KIF26B: variants seen among roughly 807,000 people sequenced by gnomAD.
The protein encoded by KIF26B is kinesin-like protein KIF26B.
In KIF26B, 63 loss-of-function variants were observed where a neutral mutation model predicts 151.2. That is an observed-to-expected ratio of 0.42 (90% CI 0.34 to 0.51). The LOEUF is 0.51. KIF26B is among the 20% of genes least tolerant of loss of function. KIF26B has a pLI of 0.07. For missense variants in KIF26B, 2,813 were observed against 2,913.6 expected (o/e 0.97, Z 0.79); for synonymous variants, 1,357 against 1,262.1 (o/e 1.08, Z -1.59).
intron 2 of KIF26B, among the ~76,000 whole-genome samples, chr1:245,176,574 C>A (rs1337175235): frequency 2.0e-5 from 3 of 152,072 alleles, no homozygotes; most frequent in Non-Finnish European, 4.4e-5. Flanking sequence ...ATATAAGATG[C>A]CACGTGTGAG....
chr1:245,441,814 A>C (rs531216334), intron 4 of KIF26B, among the ~76,000 whole-genome samples: 1 of 152,244 alleles, frequency 6.6e-6, no homozygotes, highest in South Asian at 2.1e-4. Context: ...ATAAAGCCTC[A>C]GTAAAGTCCG....
intron 2 of KIF26B, among the ~76,000 whole-genome samples, chr1:245,292,562 T>A (rs907309111): frequency 1.4e-4 from 22 of 152,260 alleles, no homozygotes; most frequent in African/African-American, 4.3e-4. Flanking sequence ...TTGGGTACTA[T>A]TTTACCTTTT....
chr1:245,386,409 G>C (rs1673547147), intron 3 of KIF26B, among the ~76,000 whole-genome samples: 1 of 151,916 alleles, frequency 6.6e-6, no homozygotes, highest in Non-Finnish European at 1.5e-5. Context: ...TGACTCCGGT[G>C]CCTTGATGGG....
intron 2 of KIF26B, among the ~76,000 whole-genome samples, chr1:245,194,496 G>A (rs920518748): frequency 1.1e-4 from 17 of 152,040 alleles, no homozygotes; most frequent in African/African-American, 3.9e-4. Context: ...CCTGCCTCAG[G>A]CCCCCAAGTA....
chr1:245,216,925 T>C (rs1264372865), intron 2 of KIF26B, among the ~76,000 whole-genome samples: 1 of 152,336 alleles, frequency 6.6e-6, no homozygotes, highest in Non-Finnish European at 1.5e-5. Flanking sequence ...TTGAGATCAC[T>C]GTGCTACTGC....
chr1:245,377,056 A>G lies in KIF26B; in HGVS notation c.999+9689A>G, dbSNP rs1034611053. On this transcript the variant is annotated intron_variant, in intron 3 of 14. Coordinates refer to ENST00000407071, the MANE Select transcript of KIF26B (RefSeq NM_018012.4). ...CAGCCTCCTGAGTAGCTGAGATTACAGGCACGCATCACCACGCCTGGCTAA... is the reference window on the plus strand; with the variant it reads ...CAGCCTCCTGAGTAGCTGAGATTACGGGCACGCATCACCACGCCTGGCTAA... Among the ~76,000 whole-genome samples the G allele has an allele frequency of 5.5e-4, 83 of 152,068 alleles. 1 individual carries two copies. The highest frequency in any genetic ancestry group is 3.9e-4 in the East Asian group (2 of 5,160).
intron 4 of KIF26B, among the ~76,000 whole-genome samples, chr1:245,502,001 G>T (rs1344801329): frequency 6.6e-6 from 1 of 152,166 alleles, no homozygotes; most frequent in African/African-American, 2.4e-5. Flanking sequence ...AATGAAGGCG[G>T]CGTGCACTTC....
At chr1:245,640,143 C>CTCTCTCTCTCTCTCTCTATATA in intron 9 of KIF26B, among the ~76,000 whole-genome samples, 1 of 31,934 alleles carries the variant, frequency 3.1e-5, no homozygotes, top group Non-Finnish European at 5.9e-5. Context: ...CTCTCTCTCT[C>CTCTCTCTCTCTCTCTCTATATA]TATATATATA....
At chr1:245,531,206 T>C (rs1055200995) in intron 4 of KIF26B, among the ~76,000 whole-genome samples, 2 of 152,256 alleles carry the variant, frequency 1.3e-5, no homozygotes, top group African/African-American at 4.8e-5. Context: ...TACAAAAATA[T>C]GTAAATGGTT....
chr1:245,195,505 C>T (rs1669175236), intron 2 of KIF26B, among the ~76,000 whole-genome samples: 1 of 152,178 alleles, frequency 6.6e-6, no homozygotes, highest in East Asian at 1.9e-4. Context: ...GTCACATAAA[C>T]AGGAGCCTGT....
intron 10 of KIF26B, among the ~76,000 whole-genome samples, chr1:245,677,739 G>A (rs1287180059): frequency 1.3e-5 from 2 of 152,254 alleles, no homozygotes; most frequent in Non-Finnish European, 2.9e-5. Flanking sequence ...GTCATGGACA[G>A]CGAGATCATC....
rs1672995225 is a variant in KIF26B, at chr1:245,367,679, A to G, written c.999+312A>G. 6.6e-6 allele frequency among the ~76,000 whole-genome samples: 1 copy of G among 152,174 alleles called. No homozygotes were observed. On this transcript the variant is annotated intron_variant, in intron 3 of 14. Coordinates refer to ENST00000407071, the MANE Select transcript of KIF26B (RefSeq NM_018012.4). The surrounding 1 kb of genome is among the most constrained non-coding windows in gnomAD (Gnocchi z 4.2). The stretch of plus-strand genomic sequence containing the variant: ...ATGCCAGCGACTTCCCAGCCAGCAG[A>G]TTTACCACATGGCAGAGCCATGAAG...
In KIF26B at chr1:245,702,121, TTG is replaced by T. The variant is rs2044780217; in HGVS notation, c.6179-336_6179-335del. Among the ~76,000 whole-genome samples, 2 of 718 alleles carry T rather than the reference TTG, an allele frequency of 2.8e-3. No individual in the cohort carries two copies. The highest frequency in any genetic ancestry group is 4.7e-3 in the Non-Finnish European group (2 of 428). The allele number at this position is 718 out of a possible 152,430, so 0.5% of individuals were successfully genotyped here. On this transcript the variant is annotated intron_variant, in intron 14 of 14. Coordinates refer to ENST00000407071, the MANE Select transcript of KIF26B (RefSeq NM_018012.4). This position sits in a 1 kb window ranked among gnomAD's most constrained non-coding sequence, Gnocchi z 4.1. ...ACCTCAACTTGAATTATTTACTTGA[TTG>T]ATTGATAGTGAATAGTGTGGTAGCG...
chr1:245,643,605 T>C (rs1232891992), intron 9 of KIF26B, among the ~76,000 whole-genome samples: 1 of 152,220 alleles, frequency 6.6e-6, no homozygotes, highest in East Asian at 1.9e-4. Context: ...TTTAAAGAGA[T>C]TTAAAGTAAT....
chr1:245,538,835 G>A (rs922365788), intron 4 of KIF26B, among the ~76,000 whole-genome samples: 1 of 152,174 alleles, frequency 6.6e-6, no homozygotes, highest in African/African-American at 2.4e-5. Context: ...TCGCTGAGCA[G>A]AGGTGTGTGC....
intron 3 of KIF26B, among the ~76,000 whole-genome samples, chr1:245,385,966 A>G (rs1439091441): frequency 1.3e-5 from 2 of 152,194 alleles, no homozygotes; most frequent in Admixed American, 6.5e-5. Context: ...CAGGTGTTGC[A>G]TGGACGGTGA....
chr1:245,520,611 C>CCATCCATCCAT (rs1558197376), intron 4 of KIF26B, among the ~76,000 whole-genome samples: 17 of 78,776 alleles, frequency 2.2e-4, no homozygotes, highest in African/African-American at 4.7e-4. Context: ...CACCCACCCA[C>CCATCCATCCAT]CCATCCATCC....
chr1:245,695,973 G>A (rs936867535), intron 12 of KIF26B, among the ~76,000 whole-genome samples: 9 of 151,954 alleles, frequency 5.9e-5, no homozygotes, highest in East Asian at 1.9e-4. Context: ...CATCTCACAC[G>A]GTGCCCTGGC....
Position 245,540,893 on chromosome 1 carries a change from C to T in KIF26B, c.1293C>T (p.Ala431=), listed in dbSNP as rs200250376. Residue 431 remains alanine, a synonymous_variant, in exon 5 of 15, where the codon GCC becomes GCT. Transcript: ENST00000407071. The surrounding 1 kb of genome is among the most constrained non-coding windows in gnomAD (Gnocchi z 4.6). ...SGILQTSPPP[A]PPCLLRAVNK... ...TTCTGCAGACCTCCCCTCCCCCAGC[C>T]CCACCCTGCCTGCTGAGGGCTGTCA... The T allele has an allele frequency of 8.1e-6, 13 of 1,614,008 alleles. No homozygotes were observed. The highest frequency in any genetic ancestry group is 8.0e-5 in the African/African-American group (6 of 75,052).
Sources: allele counts gnomAD v4.1 joint callset (sites outside exome capture counted in the v4.1 genomes callset), GRCh38; gene constraint gnomAD v4.1.1; non-coding constraint Gnocchi (gnomAD v3.1); transcripts MANE v1.5; gene names NCBI Gene and HGNC (gene_info 2026-07-23, HGNC 2026-07-21).